Variants in CDH18 observed in about 807,000 individuals in gnomAD.
CDH18 encodes the protein cadherin 18, also known as cadherin-18.
CDH18 carries 31 observed loss-of-function variants against 67.9 expected under a neutral mutation model. The ratio of observed to expected loss-of-function variants is 0.46; its 90% CI spans 0.34 to 0.62. The LOEUF (loss-of-function observed/expected upper bound fraction) is 0.62, where lower values mean the gene tolerates loss of function less well. Ranked by LOEUF, CDH18 falls within the 20% of genes least tolerant of loss-of-function variation. The pLI is 0.01. For missense variants in CDH18, 890 were observed against 975.5 expected, an observed-to-expected ratio of 0.91 and a Z score of 1.17; for synonymous variants, 362 against 347.2, an observed-to-expected ratio of 1.04 and a Z score of -0.48.
intron 6 of CDH18, among the ~76,000 whole-genome samples, chr5:19,602,909 G>A (rs970991842): frequency 6.6e-6 from 1 of 152,072 alleles, no homozygotes; most frequent in Non-Finnish European, 1.5e-5. Context: ...AGGGTGCAGT[G>A]AGCCAAGATC....
At chr5:19,757,681 C>A (rs112001294) in intron 3 of CDH18, among the ~76,000 whole-genome samples, 5 of 152,304 alleles carry the variant, frequency 3.3e-5, no homozygotes, top group African/African-American at 1.2e-4. Context: ...CAGAGAGGTC[C>A]ACCCACATAA....
At chr5:19,959,174 G>A (rs1014998748) in intron 2 of CDH18, among the ~76,000 whole-genome samples, 2 of 151,974 alleles carry the variant, frequency 1.3e-5, no homozygotes, top group African/African-American at 4.8e-5. Context: ...AAGATGAGAA[G>A]GGAAACAGAG....
chr5:19,734,847 C>G (rs1768089701), intron 4 of CDH18, among the ~76,000 whole-genome samples: 1 of 152,032 alleles, frequency 6.6e-6, no homozygotes, highest in Admixed American at 6.6e-5. Context: ...TGTATGGTCT[C>G]TGACATGTCA....
Position 20,502,720 on chromosome 5 carries a change from G to T in CDH18, c.-580+72742C>A, listed in dbSNP as rs76823252. 5.3e-4 allele frequency among the ~76,000 whole-genome samples: 81 copies of T among 152,244 alleles called. No homozygotes were observed. In the East Asian group the frequency reaches 0.011, roughly 20 times the overall value. ...CAAGGTGTATAATAAGAAATCCTTAGAACAATTCTTCTGGGAAATGGCTAA... is the reference window on the plus strand; with the variant it reads ...CAAGGTGTATAATAAGAAATCCTTATAACAATTCTTCTGGGAAATGGCTAA... On this transcript the variant is annotated intron_variant, in intron 1 of 14. Coordinates refer to the CDH18 transcript ENST00000507958.
chr5:20,217,087 A>C (rs1486579611), intron 2 of CDH18, among the ~76,000 whole-genome samples: 2 of 151,850 alleles, frequency 1.3e-5, no homozygotes, highest in Non-Finnish European at 2.9e-5. Flanking sequence ...TTTCTCAGAC[A>C]AACAAAGCTG....
intron 1 of CDH18, among the ~76,000 whole-genome samples, chr5:20,397,139 T>A (rs962367606): frequency 5.3e-5 from 8 of 152,104 alleles, no homozygotes; most frequent in Non-Finnish European, 1.0e-4. Context: ...TTGTGGTGTT[T>A]GTTTGTTTTC....
intron 1 of CDH18, among the ~76,000 whole-genome samples, chr5:20,379,031 A>T (rs1743691344): frequency 6.6e-6 from 1 of 152,016 alleles, no homozygotes; most frequent in East Asian, 1.9e-4. Context: ...TGCTGTCTAC[A>T]CTCTATGTTT....
chr5:19,627,974 T>C (rs986071251), intron 5 of CDH18, among the ~76,000 whole-genome samples: 7 of 152,140 alleles, frequency 4.6e-5, no homozygotes, highest in Non-Finnish European at 1.0e-4. Flanking sequence ...TGGGAAGCCA[T>C]TGGCAAGTTT....
intron 1 of CDH18, among the ~76,000 whole-genome samples, chr5:20,456,137 G>GTT: frequency 6.6e-6 from 1 of 151,964 alleles, no homozygotes; most frequent in Non-Finnish European, 1.5e-5. Context: ...AAATTTTAGG[G>GTT]TTAAAAGACA....
rs573216673 is a variant in CDH18 at position 20,087,063 on chromosome 5, T to A, written c.-517-95049A>T. Among the ~76,000 whole-genome samples the A allele has an allele frequency of 1.1e-4, 16 of 152,268 alleles. No individual in the cohort carries two copies. The East Asian group carries it at 3.1e-3, about 29-fold the overall frequency. On this transcript the variant is annotated intron_variant, in intron 2 of 14. Transcript: ENST00000507958. ...TTAAAATATTCATAATTAATAGACA[T>A]CAAAATATTAACATTAATAGTTGTT...
intron 2 of CDH18, among the ~76,000 whole-genome samples, chr5:20,248,511 G>C (rs1240374303): frequency 3.3e-5 from 5 of 152,292 alleles, no homozygotes; most frequent in Middle Eastern, 3.4e-3. Context: ...AGAAGTAATT[G>C]AGGGCCACTT....
intron 2 of CDH18, among the ~76,000 whole-genome samples, chr5:19,855,166 G>A (rs532580727): frequency 5.3e-5 from 8 of 152,044 alleles, no homozygotes; most frequent in Admixed American, 2.0e-4. Flanking sequence ...ATTGTTCCCC[G>A]AACTTTATTT....
intron 2 of CDH18, among the ~76,000 whole-genome samples, chr5:19,931,275 C>T (rs952381553): frequency 4.6e-5 from 7 of 151,932 alleles, no homozygotes; most frequent in African/African-American, 1.7e-4. Context: ...GTGATTTCAT[C>T]TGTCAAAATA....
chr5:20,552,538 T>C (rs1313760683), intron 1 of CDH18, among the ~76,000 whole-genome samples: 1 of 152,162 alleles, frequency 6.6e-6, no homozygotes, highest in Non-Finnish European at 1.5e-5. Flanking sequence ...TCTAATTTTA[T>C]ATTTTAGTCT....
At chr5:19,902,529 T>A (rs1790050839) in intron 2 of CDH18, among the ~76,000 whole-genome samples, 1 of 151,626 alleles carries the variant, frequency 6.6e-6, no homozygotes, top group Admixed American at 6.5e-5. Context: ...CGTGTGAGTG[T>A]ACTTGGAAGT....
In CDH18 at chr5:20,425,466, T is replaced by C. The variant is rs577346310; in HGVS notation, c.-580+149996A>G. On this transcript the variant is annotated intron_variant, in intron 1 of 14. Transcript: ENST00000507958. ...AAATGTATACTACAGGTGTTAACAA[T>C]AGAAAATATTTATATAGTCATGTAA... Among the ~76,000 whole-genome samples the C allele has an allele frequency of 6.2e-4, 94 of 151,084 alleles. 6 individuals are homozygous for C. Among genetic ancestry groups the C allele is most frequent in the African/African-American group, 2.1e-3 (86 of 40,544 alleles).
intron 1 of CDH18, among the ~76,000 whole-genome samples, chr5:20,556,156 C>G (rs1290791379): frequency 4.6e-5 from 7 of 152,106 alleles, no homozygotes; most frequent in African/African-American, 1.7e-4. Flanking sequence ...AAGAAAAAGT[C>G]TGATTTTCTC....
At chr5:20,282,298 CA>C (rs1746343970) in intron 1 of CDH18, among the ~76,000 whole-genome samples, 1 of 152,140 alleles carries the variant, frequency 6.6e-6, no homozygotes, top group Admixed American at 6.6e-5. Flanking sequence ...TGCCAGTTTT[CA>C]AAGGGAATGC....
intron 1 of CDH18, among the ~76,000 whole-genome samples, chr5:20,259,889 A>G (rs1296073909): frequency 6.6e-6 from 1 of 152,050 alleles, no homozygotes; most frequent in Admixed American, 6.6e-5. Flanking sequence ...CATGAATAGA[A>G]GTAGATGATT....
Sources: gnomAD v4.1 joint callset for allele counts (sites outside exome capture counted in the v4.1 genomes callset) on GRCh38, gnomAD v4.1.1 for gene constraint, MANE v1.5 for transcripts, NCBI Gene and HGNC (gene_info 2026-07-23, HGNC 2026-07-21) for gene names.